Variants in NAA16 observed in about 807,000 individuals in gnomAD.
The protein encoded by NAA16 is N-alpha-acetyltransferase 16, NatA auxiliary subunit, also known as NARG1-like protein.
A neutral mutation model predicts 110.3 loss-of-function variants in NAA16; 97 were observed. The ratio of observed to expected loss-of-function variants is 0.88; its 90% CI spans 0.75 to 1.04. The LOEUF is 1.04. Ranked by LOEUF, NAA16 falls within the 50% of genes least tolerant of loss-of-function variation. The pLI is 0.00. For missense variants in NAA16, 1,017 were observed against 1,005.1 expected, an observed-to-expected ratio of 1.01 and a Z score of -0.16; for synonymous variants, 372 against 330.6, an observed-to-expected ratio of 1.13 and a Z score of -1.36.
intron 1 of NAA16, 88 bp downstream of exon 1, chr13:41,311,670 C>A: frequency 8.3e-7 from 1 of 1,200,312 alleles, no homozygotes; most frequent in Non-Finnish European, 1.2e-6. Flanking sequence ...CCGGCGCGGG[C>A]CAGGCTTGGC....
Position 41,318,811 on chromosome 13 carries a change from T to C in NAA16, c.145T>C (p.Leu49=). The C allele has an allele frequency of 1.3e-6, 2 of 1,538,864 alleles. No homozygotes were observed. Among genetic ancestry groups the C allele is most frequent in the Non-Finnish European group, 1.8e-6 (2 of 1,142,614 alleles). Residue 49 remains leucine (L), a synonymous_variant, in exon 3 of 20, where the codon TTG becomes CTG. Transcript: ENST00000379406. ...GTTTAAAAATTATTTTTCAGAGACT[T>C]TGGCTATGAAAGGATTAACACTGAA... is the stretch of plus-strand genomic sequence containing the variant. The part of the protein sequence containing the change: ...NPKFAEHGET[L]AMKGLTLNCL...
chr13:41,346,025 C>CT (rs1165924298), intron 9 of NAA16, among the ~76,000 whole-genome samples: 1 of 152,048 alleles, frequency 6.6e-6, no homozygotes, highest in Non-Finnish European at 1.5e-5. Context: ...TCCAGCTTAT[C>CT]TTTTTTTTCC....
intron 9 of NAA16, among the ~76,000 whole-genome samples, chr13:41,347,761 T>A (rs1045533708): frequency 8.5e-5 from 13 of 152,236 alleles, no homozygotes; most frequent in Non-Finnish European, 1.8e-4. Context: ...CCTTAGGATT[T>A]TCTATGTGCA....
intron 6 of NAA16, among the ~76,000 whole-genome samples, chr13:41,327,235 A>G (rs1307089187): frequency 6.7e-6 from 1 of 150,040 alleles, no homozygotes; most frequent in Non-Finnish European, 1.5e-5. Context: ...AAAGTTATTG[A>G]TAAAATATGG....
rs550142141 is a variant in NAA16, at chr13:41,360,126, G to T, written c.1410+1164G>T. ...AAACCAATTATGTTTTCAGAGAAAA[G>T]TACCACATGGAAGGCCAAGGTAGCG... On this transcript the variant is annotated intron_variant, in intron 12 of 19. Coordinates refer to ENST00000379406, the MANE Select transcript of NAA16 (RefSeq NM_024561.5). Among the ~76,000 whole-genome samples the T allele has an allele frequency of 2.8e-4, 42 of 152,262 alleles. No individual in the cohort carries two copies. The East Asian group carries it at 7.9e-3, about 29-fold the overall frequency.
Position 41,367,489 on chromosome 13 carries a change from G to A in NAA16, c.1590G>A (p.Met530Ile). 6.2e-7 allele frequency: 1 copy of A among 1,613,028 alleles called. No homozygotes were observed. The highest frequency in any genetic ancestry group is 8.5e-7 in the Non-Finnish European group (1 of 1,179,544). Residue 530 changes from methionine (M) to isoleucine (I), a missense_variant, in exon 14 of 20, where the codon ATG becomes ATA. Met to Ile is a conservative substitution (Grantham distance 10, BLOSUM62 1). Transcript: ENST00000379406. ...AATTCGACTTCCATACATACTGCAT[G>A]AGAAAGATGACCCTTCGTGCCTATG... ...DDQFDFHTYCMRKMTLRAYVD... is the reference protein window; with the variant it reads ...DDQFDFHTYCIRKMTLRAYVD...
chr13:41,311,989 C>T (rs1180696992), intron 1 of NAA16, among the ~76,000 whole-genome samples: 2 of 152,244 alleles, frequency 1.3e-5, no homozygotes, highest in Non-Finnish European at 1.5e-5. Context: ...GTTTTGCGTT[C>T]TGCATTCTCT....
intron 9 of NAA16, among the ~76,000 whole-genome samples, chr13:41,352,973 CG>C (rs1254683162): frequency 1.3e-5 from 2 of 151,926 alleles, no homozygotes; most frequent in Non-Finnish European, 2.9e-5. Context: ...AAAAATTAGC[CG>C]GGTGTGGTGG....
At chr13:41,348,962 A>G (rs1279604347) in intron 9 of NAA16, among the ~76,000 whole-genome samples, 2 of 152,186 alleles carry the variant, frequency 1.3e-5, no homozygotes, top group African/African-American at 4.8e-5. Flanking sequence ...CTATAAAGTC[A>G]GTGGTAATAT....
rs1488041749 is a variant in NAA16, at chr13:41,341,892, C to T, written c.1014+5136C>T. ...TGTCGCCCAGGCTGGAGTGCAGTGG[C>T]GCAATCTCTGCTCACTGCAAGCTCC... On this transcript the variant is annotated intron_variant, in intron 9 of 19. Transcript: ENST00000379406. 4.0e-5 allele frequency among the ~76,000 whole-genome samples: 6 copies of T among 148,408 alleles called. No homozygotes were observed. In the South Asian group the frequency reaches 8.5e-4, roughly 21 times the overall value.
chr13:41,359,818 A>T (rs2043075287), intron 12 of NAA16, among the ~76,000 whole-genome samples: 1 of 152,210 alleles, frequency 6.6e-6, no homozygotes. Flanking sequence ...AATCAGTTCC[A>T]AGTGGATTAA....
At chr13:41,325,048 TC>T (rs1191106296) in intron 5 of NAA16, among the ~76,000 whole-genome samples, 1 of 149,870 alleles carries the variant, frequency 6.7e-6, no homozygotes, top group Non-Finnish European at 1.5e-5. Context: ...AACCTCCACT[TC>T]CGGGCTTAAG....
intron 9 of NAA16, among the ~76,000 whole-genome samples, chr13:41,353,581 G>A (rs2042898852): frequency 7.7e-6 from 1 of 130,396 alleles, no homozygotes; most frequent in Admixed American, 8.4e-5. Flanking sequence ...CCTAGGCAAT[G>A]TAGTGAGACT....
At chr13:41,334,083 G>A (rs1049263712) in intron 8 of NAA16, among the ~76,000 whole-genome samples, 11 of 152,114 alleles carry the variant, frequency 7.2e-5, no homozygotes, top group Middle Eastern at 3.4e-3. Flanking sequence ...GTGCAAAGCC[G>A]AATATTTCAT....
intron 7 of NAA16, among the ~76,000 whole-genome samples, chr13:41,331,057 T>G (rs1849474714): frequency 6.6e-6 from 1 of 152,010 alleles, no homozygotes; most frequent in Admixed American, 6.6e-5. Flanking sequence ...ATGAGAGAAG[T>G]TTTGGATTTT....
intron 17 of NAA16, chr13:41,373,292 C>T: frequency 3.0e-6 from 2 of 662,226 alleles, no homozygotes; most frequent in Non-Finnish European, 3.7e-6. Flanking sequence ...CAGTCTTGCT[C>T]TGTTGTCTAG....
intron 8 of NAA16, among the ~76,000 whole-genome samples, chr13:41,331,812 T>G (rs1187352721): frequency 6.6e-6 from 1 of 152,116 alleles, no homozygotes; most frequent in Non-Finnish European, 1.5e-5. Context: ...TCGCAGCACA[T>G]AGAAATGATA....
Position 41,376,836 on chromosome 13 carries a change from C to T in NAA16, c.*1234C>T, listed in dbSNP as rs576294256. The stretch of plus-strand genomic sequence containing the variant: ...TAATGGAATCACTCATGTTCAGAAC[C>T]TTGTAAATATGTCTGTAATATTAAT... On this transcript the variant is annotated 3_prime_UTR_variant, in exon 20 of 20. Transcript: ENST00000379406. 6.6e-6 allele frequency: 1 copy of T among 152,142 alleles called. No individual in the cohort carries two copies. The highest frequency in any genetic ancestry group is 6.5e-5 in the Admixed American group (1 of 15,282). 9.4% of individuals were successfully genotyped at this position (152,142 alleles called of 1,614,324 possible). A position where few individuals can be genotyped will look rare whatever the true frequency, so the allele number is the denominator to read the frequency against.
intron 1 of NAA16, among the ~76,000 whole-genome samples, chr13:41,316,470 C>T (rs2041814179): frequency 6.6e-6 from 1 of 151,998 alleles, no homozygotes; most frequent in Non-Finnish European, 1.5e-5. Context: ...CCACACCCAG[C>T]TAATTTTTGT....
Sources: allele counts gnomAD v4.1 joint callset (sites outside exome capture counted in the v4.1 genomes callset), GRCh38; gene constraint gnomAD v4.1.1; transcripts MANE v1.5; gene names NCBI Gene and HGNC (gene_info 2026-07-23, HGNC 2026-07-21).